The following ASPSCR1 variants were observed in gnomAD, a reference collection of about 807,000 sequenced individuals.
The protein encoded by ASPSCR1 is ASPSCR1 tether for SLC2A4, UBX domain containing.
Under a neutral mutation model 68.9 loss-of-function variants are expected in ASPSCR1, and 55 were observed. The ratio of observed to expected loss-of-function variants is 0.80; its 90% CI spans 0.64 to 1.00. ASPSCR1 has a LOEUF of 1.00. Among genes scored for constraint, ASPSCR1 ranks in the 50% least tolerant of loss-of-function variants. The pLI, the probability that ASPSCR1 is intolerant of heterozygous loss-of-function variation, is 0.00. For missense variants in ASPSCR1, 765 were observed against 762.2 expected, an observed-to-expected ratio of 1.00 and a Z score of -0.04; for synonymous variants, 352 against 332.6, an observed-to-expected ratio of 1.06 and a Z score of -0.63.
chr17:82,005,297 C>T (rs765505616), intron 7 of ASPSCR1: 1 of 152,176 alleles, frequency 6.6e-6, no homozygotes, highest in Non-Finnish European at 1.5e-5. Flanking sequence ...CAGTTGGGCC[C>T]TGGGGTTTGG....
intron 12 of ASPSCR1, chr17:82,015,295 G>C (rs551941100): frequency 1.3e-6 from 2 of 1,598,134 alleles, no homozygotes; most frequent in Admixed American, 3.3e-5. Context: ...CCATCCCCTC[G>C]TCCGAGCAGT....
At chr17:82,008,978 C>T in intron 7 of ASPSCR1, 59 bp from the exon 8 acceptor site, 2 of 1,434,010 alleles carry the variant, frequency 1.4e-6, no homozygotes, top group Non-Finnish European at 1.8e-6. Context: ...CACTGACAGC[C>T]CGGGGTGCGG....
At chr17:81,979,359 C>A (rs1023672306) in intron 2 of ASPSCR1, 120 bp downstream of exon 2, 12 of 1,139,154 alleles carry the variant, frequency 1.1e-5, no homozygotes, top group Non-Finnish European at 1.3e-5. Flanking sequence ...TATTCCCTCC[C>A]AACTCTGGAG....
chr17:81,985,256 ACACG>A (rs377422140), intron 3 of ASPSCR1, among the ~76,000 whole-genome samples: 6 of 151,748 alleles, frequency 4.0e-5, no homozygotes, highest in Non-Finnish European at 7.4e-5. Flanking sequence ...ACATATGCAC[ACACG>A]CACGCACACC....
intron 7 of ASPSCR1, among the ~76,000 whole-genome samples, chr17:82,001,191 C>T (rs543008417): frequency 3.9e-5 from 6 of 152,258 alleles, no homozygotes; most frequent in African/African-American, 1.2e-4. Context: ...ATGCACTGGG[C>T]GTGGTGAATA....
In ASPSCR1 at chr17:81,977,838, G is replaced by C; in HGVS notation, c.102+90G>C. On this transcript the variant is annotated intron_variant, in intron 1 of 15. Transcript: ENST00000306739. This position sits in a 1 kb window ranked among gnomAD's most constrained non-coding sequence, Gnocchi z 5.0. ...ATTGCGGTCGGCGTCCCGGTGTTCGGGGGCGGGGCCTCGGCGGCCAATGAG... is the reference window on the plus strand; with the variant it reads ...ATTGCGGTCGGCGTCCCGGTGTTCGCGGGCGGGGCCTCGGCGGCCAATGAG... 1 of 1,018,580 alleles carries C rather than the reference G, an allele frequency of 9.8e-7. No homozygotes were observed. The highest frequency in any genetic ancestry group is 1.2e-6 in the Non-Finnish European group (1 of 805,740). 63.1% of individuals were successfully genotyped at this position (1,018,580 alleles called of 1,614,324 possible).
At position 81,977,816 on chromosome 17, in the gene ASPSCR1, G is replaced by A. The variant is rs914120316; in HGVS notation, c.102+68G>A. ...GCGCTGCGCCGAGGCCCCGCCCATT[G>A]CGGTCGGCGTCCCGGTGTTCGGGGG... On this transcript the variant is annotated intron_variant, in intron 1 of 15. Coordinates refer to ENST00000306739, the MANE Select transcript of ASPSCR1 (RefSeq NM_024083.4). The surrounding 1 kb of genome is among the most constrained non-coding windows in gnomAD (Gnocchi z 5.0). 1.7e-6 allele frequency: 2 copies of A among 1,148,084 alleles called. No individual in the cohort carries two copies. The highest frequency in any genetic ancestry group is 3.2e-5 in the African/African-American group (2 of 61,774). The allele number at this position is 1,148,084 out of a possible 1,614,324, so 71.1% of individuals were successfully genotyped here.
intron 3 of ASPSCR1, among the ~76,000 whole-genome samples, chr17:81,985,124 ACATG>A (rs1168560820): frequency 2.1e-5 from 3 of 145,424 alleles, no homozygotes; most frequent in African/African-American, 7.7e-5. Flanking sequence ...CTGCATGTAA[ACATG>A]CACACACACG....
intron 7 of ASPSCR1, among the ~76,000 whole-genome samples, chr17:82,002,595 C>T (rs1292039565): frequency 6.6e-6 from 1 of 151,962 alleles, no homozygotes; most frequent in African/African-American, 2.4e-5. Flanking sequence ...CAGAGTCTCA[C>T]TCTGTTGCCC....
chr17:81,985,075 C>T (rs1010816643), intron 3 of ASPSCR1, among the ~76,000 whole-genome samples: 1 of 146,364 alleles, frequency 6.8e-6, no homozygotes, highest in Non-Finnish European at 1.5e-5. Context: ...CACACCTGTA[C>T]ACACACACCT....
intron 7 of ASPSCR1, chr17:82,008,637 A>C: frequency 5.8e-6 from 1 of 171,780 alleles, no homozygotes. Flanking sequence ...AGCTGTGGCC[A>C]AGAGGGCAGC....
chr17:81,998,510 T>A (rs1035329943), intron 7 of ASPSCR1, among the ~76,000 whole-genome samples: 1 of 152,186 alleles, frequency 6.6e-6, no homozygotes, highest in African/African-American at 2.4e-5. Flanking sequence ...GAATTACTAG[T>A]CATTTCTCTG....
At position 82,016,677 on chromosome 17, in the gene ASPSCR1, G is replaced by A. The variant is rs2043138507; in HGVS notation, c.1406-123G>A. The A allele has an allele frequency of 4.2e-6, 6 of 1,441,466 alleles. No homozygotes were observed. In the South Asian group the frequency reaches 4.9e-5, roughly 12 times the overall value. 89.3% of individuals were successfully genotyped at this position (1,441,466 alleles called of 1,614,324 possible). Reference sequence around the variant, plus strand: ...CCCCAGTAACCACCTCCCCGAGAGAGGACTGGGACAGCCACCTGCTGGCCA... The same window carrying A: ...CCCCAGTAACCACCTCCCCGAGAGAAGACTGGGACAGCCACCTGCTGGCCA... On this transcript the variant is annotated intron_variant, in intron 13 of 15. Coordinates refer to ENST00000306739, the MANE Select transcript of ASPSCR1 (RefSeq NM_024083.4).
At chr17:81,997,201 G>C (rs1204489123) in intron 7 of ASPSCR1, among the ~76,000 whole-genome samples, 3 of 152,054 alleles carry the variant, frequency 2.0e-5, no homozygotes, top group Non-Finnish European at 4.4e-5. Flanking sequence ...TCCGTGATGT[G>C]TGGCACAGAG....
At chr17:82,015,064 T>G in intron 12 of ASPSCR1, 1 of 1,594,614 alleles carries the variant, frequency 6.3e-7, no homozygotes, top group Non-Finnish European at 8.5e-7. Context: ...TGACCCACTT[T>G]CCCTTTCCAG....
rs112737799 is a variant in ASPSCR1, at chr17:81,987,816, T to C, written c.374+2209T>C. 0.11 allele frequency among the ~76,000 whole-genome samples: 17,209 copies of C among 151,482 alleles called. 1,509 individuals carry two copies. Among genetic ancestry groups the C allele is most frequent in the African/African-American group, 0.25 (10,141 of 41,250 alleles). ...GAGCCGAGATCGCACCATTGCACTC[T>C]AGCCTGGGTGACAAGAGCAAAACTC... On this transcript the variant is annotated intron_variant, in intron 4 of 15. Coordinates refer to ENST00000306739, the MANE Select transcript of ASPSCR1 (RefSeq NM_024083.4). This position sits in a 1 kb window ranked among gnomAD's most constrained non-coding sequence, Gnocchi z 5.6.
In ASPSCR1 at chr17:81,986,415, C is replaced by T. The variant is rs995584398; in HGVS notation, c.374+808C>T. 2.6e-5 allele frequency among the ~76,000 whole-genome samples: 4 copies of T among 152,014 alleles called. No homozygotes were observed. The highest frequency in any genetic ancestry group is 4.8e-5 in the African/African-American group (2 of 41,376). ...CTGCACTCCAGCCTGGGCAACAGAA[C>T]GAGACTCTGTCTCAAAAAAATAAAT... On this transcript the variant is annotated intron_variant, in intron 4 of 15. Coordinates refer to ENST00000306739, the MANE Select transcript of ASPSCR1 (RefSeq NM_024083.4). The surrounding 1 kb of genome is among the most constrained non-coding windows in gnomAD (Gnocchi z 5.2).
In ASPSCR1 at chr17:82,016,820, C is replaced by T. The variant is rs2043144693; in HGVS notation, c.1426C>T (p.Leu476=). The stretch of plus-strand genomic sequence containing the variant: ...TGCAGGTGTCTACCTGGAGCCTGGC[C>T]TGCTGGAGCATGCCATCTCCCCATC... ...EPAGVYLEPG[L]LEHAISPSAA... The change falls in exon 14 of 16, where the codon CTG becomes TTG. Residue 476 remains leucine (L), a synonymous_variant. Coordinates refer to ENST00000306739, the MANE Select transcript of ASPSCR1 (RefSeq NM_024083.4). The T allele has an allele frequency of 6.2e-7, 1 of 1,611,066 alleles. No homozygotes were observed. Among genetic ancestry groups the T allele is most frequent in the East Asian group, 2.2e-5 (1 of 44,878 alleles).
rs2041867205 is a variant in ASPSCR1 at position 81,983,575 on chromosome 17, CCTTT to C, written c.183_186del (p.Leu63SerfsTer82). 6.2e-7 allele frequency: 1 copy of C among 1,613,160 alleles called. No homozygotes were observed. Among genetic ancestry groups the C allele is most frequent in the African/African-American group, 1.3e-5 (1 of 74,778 alleles). ...GCAGGTTTCAGAGGAGCGTGCTCGA[CCTTT>C]CTCTCCAGTGGAGATTTGCCAACCT... is the stretch of plus-strand genomic sequence containing the variant. On this transcript the variant is annotated frameshift_variant, in exon 3 of 16. Transcript: ENST00000306739. LOFTEE classifies it high-confidence loss of function. The surrounding 1 kb of genome is among the most constrained non-coding windows in gnomAD (Gnocchi z 4.4).
Sources: allele counts gnomAD v4.1 joint callset (sites outside exome capture counted in the v4.1 genomes callset), GRCh38; gene constraint gnomAD v4.1.1; non-coding constraint Gnocchi (gnomAD v3.1); transcripts MANE v1.5; gene names NCBI Gene and HGNC (gene_info 2026-07-23, HGNC 2026-07-21).